Variants in SPOCK3 observed in about 807,000 individuals in gnomAD.
The protein encoded by SPOCK3 is testican-3.
In SPOCK3, 30 loss-of-function variants were observed where a neutral mutation model predicts 56.6. That is an observed-to-expected ratio of 0.53 (90% CI 0.40 to 0.72). The LOEUF (loss-of-function observed/expected upper bound fraction) is 0.72, where lower values mean the gene tolerates loss of function less well. SPOCK3 is among the 30% of genes least tolerant of loss of function. The probability of loss-of-function intolerance (pLI) is 0.00; values close to 1 mark genes in which losing one functional copy is unlikely to be tolerated. For missense variants in SPOCK3, 527 were observed against 530.0 expected, an observed-to-expected ratio of 0.99 and a Z score of 0.06; for synonymous variants, 196 against 183.3, an observed-to-expected ratio of 1.07 and a Z score of -0.56.
chr4:167,052,262 A>G (rs1754299160), intron 3 of SPOCK3, among the ~76,000 whole-genome samples: 2 of 152,210 alleles, frequency 1.3e-5, no homozygotes, highest in African/African-American at 4.8e-5. Flanking sequence ...AGCCCTATGT[A>G]GTTCTTAGGT....
chr4:167,190,845 A>G (rs762671641), intron 2 of SPOCK3, among the ~76,000 whole-genome samples: 1 of 145,786 alleles, frequency 6.9e-6, no homozygotes, highest in African/African-American at 2.6e-5. Context: ...ATCAAGTTTT[A>G]CTACTACCAT....
chr4:166,927,239 C>T (rs1739215036), intron 4 of SPOCK3, among the ~76,000 whole-genome samples: 1 of 152,190 alleles, frequency 6.6e-6, no homozygotes, highest in East Asian at 1.9e-4. Context: ...TGAATTTTGG[C>T]TCCCATAATT....
chr4:166,739,809 A>T (rs1281059844), intron 9 of SPOCK3, among the ~76,000 whole-genome samples: 1 of 152,120 alleles, frequency 6.6e-6, no homozygotes, highest in Admixed American at 6.6e-5. Flanking sequence ...ACCATATAAC[A>T]TCATAACTTC....
intron 7 of SPOCK3, among the ~76,000 whole-genome samples, chr4:166,774,785 G>A (rs890675483): frequency 1.3e-5 from 2 of 152,100 alleles, no homozygotes; most frequent in African/African-American, 2.4e-5. Flanking sequence ...TGAAGTGTAA[G>A]CACCCTCATC....
chr4:166,997,227 G>A (rs1188378191), intron 4 of SPOCK3, among the ~76,000 whole-genome samples: 2 of 151,982 alleles, frequency 1.3e-5, no homozygotes, highest in Non-Finnish European at 2.9e-5. Context: ...ATACTTAGGC[G>A]ATAGGCTGAT....
intron 2 of SPOCK3, among the ~76,000 whole-genome samples, chr4:167,181,950 CAT>C (rs973754291): frequency 3.9e-5 from 6 of 152,124 alleles, no homozygotes; most frequent in African/African-American, 1.2e-4. Flanking sequence ...CCACCCAGCA[CAT>C]GTGATAAGAT....
intron 2 of SPOCK3, among the ~76,000 whole-genome samples, chr4:167,081,729 A>T (rs1445229947): frequency 6.6e-6 from 1 of 152,002 alleles, no homozygotes; most frequent in Non-Finnish European, 1.5e-5. Context: ...GGGAGCCAAA[A>T]ATAGGAGAAA....
At chr4:167,169,106 G>A (rs1474356593) in intron 2 of SPOCK3, among the ~76,000 whole-genome samples, 2 of 152,216 alleles carry the variant, frequency 1.3e-5, no homozygotes, top group Non-Finnish European at 2.9e-5. Context: ...CCACGAAGAA[G>A]TTTGCTGCAG....
At chr4:166,754,036 A>G (rs1202646373) in intron 8 of SPOCK3, 1 of 894,658 alleles carries the variant, frequency 1.1e-6, no homozygotes, top group Non-Finnish European at 1.3e-6. Context: ...GAAAGACTAA[A>G]TCATTTTAAA....
rs1296698239 is a variant in SPOCK3 at position 166,755,947 on chromosome 4, G to A, written c.710-1218C>T. Among the ~76,000 whole-genome samples the A allele has an allele frequency of 2.2e-3, 16 of 7,324 alleles. 7 individuals carry two copies. The highest frequency in any genetic ancestry group is 5.4e-3 in the South Asian group (1 of 186). The allele number at this position is 7,324 out of a possible 152,430, so 4.8% of individuals were successfully genotyped here. Reference sequence around the variant, plus strand: ...TCCCAGCGTGAGCGACGCAGAAGACGGTGATTTCTGCATTTCCATCTGAGG... The same window carrying A: ...TCCCAGCGTGAGCGACGCAGAAGACAGTGATTTCTGCATTTCCATCTGAGG... On this transcript the variant is annotated intron_variant, in intron 7 of 10. Coordinates refer to ENST00000357545, the MANE Select transcript of SPOCK3 (RefSeq NM_001040159.2).
chr4:166,806,491 T>C (rs1743178487), intron 6 of SPOCK3, among the ~76,000 whole-genome samples: 1 of 152,080 alleles, frequency 6.6e-6, no homozygotes, highest in Non-Finnish European at 1.5e-5. Flanking sequence ...TTCAGTGTTA[T>C]GGCAACATAT....
At position 166,769,127 on chromosome 4, in the gene SPOCK3, T is replaced by C. The variant is rs185698986; in HGVS notation, c.710-14398A>G. 5.9e-3 allele frequency among the ~76,000 whole-genome samples: 830 copies of C among 140,382 alleles called. 8 individuals are homozygous for C. The highest frequency in any genetic ancestry group is 0.023 in the African/African-American group (776 of 33,976). The allele number at this position is 140,382 out of a possible 152,430, so 92.1% of individuals were successfully genotyped here. A position where few individuals can be genotyped will look rare whatever the true frequency, so the allele number is the denominator to read the frequency against. On this transcript the variant is annotated intron_variant, in intron 7 of 10. Transcript: ENST00000357545. ...AGGTTTTTAGCTTCTTTTTGTTGGG[T>C]TCAAACTTCCTCCTTTAGCTCGGAG... is the stretch of plus-strand genomic sequence containing the variant.
At chr4:166,960,357 T>C (rs1015787050) in intron 4 of SPOCK3, among the ~76,000 whole-genome samples, 67 of 152,138 alleles carry the variant, frequency 4.4e-4, no homozygotes, top group African/African-American at 1.6e-3. Context: ...CTATGAAATA[T>C]AGAAGAAGGA....
intron 2 of SPOCK3, among the ~76,000 whole-genome samples, chr4:167,098,892 C>T (rs1381897842): frequency 6.6e-6 from 1 of 151,794 alleles, no homozygotes; most frequent in Non-Finnish European, 1.5e-5. Flanking sequence ...TTTCAAAATG[C>T]CTGTAACATT....
chr4:166,952,726 C>G (rs890986569), intron 4 of SPOCK3, among the ~76,000 whole-genome samples: 5 of 152,050 alleles, frequency 3.3e-5, no homozygotes, highest in Non-Finnish European at 5.9e-5. Context: ...GTACTGGTAC[C>G]AAAACAGAGA....
intron 2 of SPOCK3, among the ~76,000 whole-genome samples, chr4:167,187,392 C>T (rs1202093483): frequency 6.6e-6 from 1 of 150,940 alleles, no homozygotes; most frequent in Non-Finnish European, 1.5e-5. Flanking sequence ...ATTTTTTTCT[C>T]ATTTTATCAC....
intron 2 of SPOCK3, among the ~76,000 whole-genome samples, chr4:167,126,616 C>T (rs943468355): frequency 6.3e-5 from 8 of 127,840 alleles, no homozygotes; most frequent in African/African-American, 2.3e-4. Context: ...ATTTCCAACC[C>T]CTGCAATACA....
chr4:167,199,743 A>C (rs1263528455), intron 2 of SPOCK3, among the ~76,000 whole-genome samples: 3 of 147,924 alleles, frequency 2.0e-5, no homozygotes, highest in African/African-American at 7.4e-5. Flanking sequence ...TAATAACTTT[A>C]AGTGCCAATA....
In SPOCK3 at chr4:166,975,513, C is replaced by T. The variant is rs530577816; in HGVS notation, c.350+24836G>A. ...ATCATTTCTTTGTGTTACATTCCAG[C>T]TATAATTTTAGTTATTTTTAAATAT... is the stretch of plus-strand genomic sequence containing the variant. On this transcript the variant is annotated intron_variant, in intron 4 of 10. Transcript: ENST00000357545. Among the ~76,000 whole-genome samples, 29 of 152,202 alleles carry T rather than the reference C, an allele frequency of 1.9e-4. 1 individual carries two copies. Among genetic ancestry groups the T allele is most frequent in the Admixed American group, 1.9e-3 (29 of 15,288 alleles).
Sources: allele counts gnomAD v4.1 joint callset (sites outside exome capture counted in the v4.1 genomes callset), GRCh38; gene constraint gnomAD v4.1.1; transcripts MANE v1.5; gene names NCBI Gene and HGNC (gene_info 2026-07-23, HGNC 2026-07-21).